ABAT: variants seen among roughly 807,000 people sequenced by gnomAD.
The protein encoded by ABAT is 4-aminobutyrate aminotransferase.
Under a neutral mutation model 64.6 loss-of-function variants are expected in ABAT, and 45 were observed. That is an observed-to-expected ratio of 0.70 (90% confidence interval 0.55 to 0.89). The LOEUF is 0.89. Among genes scored for constraint, ABAT ranks in the 40% least tolerant of loss-of-function variants. The pLI is 0.00. For missense variants in ABAT, 633 were observed against 658.4 expected (o/e 0.96, Z 0.42); for synonymous variants, 297 against 250.5 (o/e 1.19, Z -1.75).
intron 1 of ABAT, among the ~76,000 whole-genome samples, chr16:8,734,146 G>A (rs1046122332): frequency 1.3e-5 from 2 of 152,172 alleles, no homozygotes; most frequent in Admixed American, 6.5e-5. Context: ...TCTGTAAAAT[G>A]GGGATAATCA....
chr16:8,781,636 G>A lies in ABAT; in HGVS notation c.*206G>A, dbSNP rs2060442458. 5 of 665,386 alleles carry A rather than the reference G, an allele frequency of 7.5e-6. No individual in the cohort carries two copies. The highest frequency in any genetic ancestry group is 1.8e-5 in the African/African-American group (1 of 56,232). The allele number at this position is 665,386 out of a possible 1,614,324, so 41.2% of individuals were successfully genotyped here. ...TGATTTTCCTCCCTGCAGAGCCAAT[G>A]GTGCACATTGGTTTAAGCCCAGAGA... is the stretch of plus-strand genomic sequence containing the variant. On this transcript the variant is annotated 3_prime_UTR_variant, in exon 16 of 16. Transcript: ENST00000268251. The surrounding 1 kb of genome is among the most constrained non-coding windows in gnomAD (Gnocchi z 4.5).
chr16:8,775,169 C>T, intron 13 of ABAT, 112 bp downstream of exon 13: 4 of 1,432,912 alleles, frequency 2.8e-6, no homozygotes, highest in Non-Finnish European at 3.9e-6. Context: ...TACTGGGTCG[C>T]AGGTTTTCTA....
At chr16:8,719,356 C>G (rs1230557255) in intron 1 of ABAT, among the ~76,000 whole-genome samples, 2 of 152,202 alleles carry the variant, frequency 1.3e-5, no homozygotes, top group African/African-American at 4.8e-5. Flanking sequence ...TATCCTTTTG[C>G]AGATGTTTCT....
At chr16:8,737,900 C>T (rs55681386) in intron 2 of ABAT, among the ~76,000 whole-genome samples, 14,828 of 130,044 alleles carry the variant, frequency 0.11, 1,403 homozygotes, top group South Asian at 0.17. Flanking sequence ...TGTACTTCAG[C>T]CTGGGCAACA....
In ABAT at chr16:8,781,577, C is replaced by A; in HGVS notation, c.*147C>A. On this transcript the variant is annotated 3_prime_UTR_variant, in exon 16 of 16. Coordinates refer to ENST00000268251, the MANE Select transcript of ABAT (RefSeq NM_020686.6). This position sits in a 1 kb window ranked among gnomAD's most constrained non-coding sequence, Gnocchi z 4.5. Reference sequence around the variant, plus strand: ...GTGGGGAGGGAGCATTTTTGGTGGTCTTGGGGGAGGGGAGGGGAGGGAAGG... The same window carrying A: ...GTGGGGAGGGAGCATTTTTGGTGGTATTGGGGGAGGGGAGGGGAGGGAAGG... The A allele has an allele frequency of 6.3e-6, 3 of 475,090 alleles. No individual in the cohort carries two copies. Among genetic ancestry groups the A allele is most frequent in the Non-Finnish European group, 1.1e-5 (3 of 269,080 alleles). The allele number at this position is 475,090 out of a possible 1,614,324, so 29.4% of individuals were successfully genotyped here.
At chr16:8,727,809 C>T (rs1322147660) in intron 1 of ABAT, among the ~76,000 whole-genome samples, 1 of 152,206 alleles carries the variant, frequency 6.6e-6, no homozygotes, top group African/African-American at 2.4e-5. Context: ...TGGCTCATGC[C>T]TGTAATCCCA....
intron 1 of ABAT, chr16:8,713,839 G>A (rs550300464): frequency 1.7e-4 from 78 of 455,842 alleles, no homozygotes; most frequent in Middle Eastern, 3.2e-4. Flanking sequence ...AGCTGAGCTC[G>A]CCGCAGGACT....
At chr16:8,719,650 G>C (rs1273739230) in intron 1 of ABAT, among the ~76,000 whole-genome samples, 1 of 152,128 alleles carries the variant, frequency 6.6e-6, no homozygotes, top group Non-Finnish European at 1.5e-5. Flanking sequence ...ATAGTCTTTA[G>C]CAGCTCATCA....
Position 8,696,606 on chromosome 16 carries a change from C to A in ABAT, c.-42+21895C>A, listed in dbSNP as rs536473672. Among the ~76,000 whole-genome samples, 4 of 152,146 alleles carry A rather than the reference C, an allele frequency of 2.6e-5. No homozygotes were observed. The South Asian group carries it at 8.3e-4, about 32-fold the overall frequency. Reference sequence around the variant, plus strand: ...CTGTACTCCAGCCTGGGTGACACAGCGAGACTCTGTCTCAAAAAAAAATAA... The same window carrying A: ...CTGTACTCCAGCCTGGGTGACACAGAGAGACTCTGTCTCAAAAAAAAATAA... On this transcript the variant is annotated intron_variant, in intron 1 of 15. Transcript: ENST00000268251.
intron 1 of ABAT, among the ~76,000 whole-genome samples, chr16:8,725,200 G>C (rs1223670448): frequency 6.6e-6 from 1 of 152,232 alleles, no homozygotes; most frequent in African/African-American, 2.4e-5. Context: ...ATAGGCGTGA[G>C]CCAGCGCGCC....
At chr16:8,770,641 G>A (rs1451356669) in intron 11 of ABAT, among the ~76,000 whole-genome samples, 5 of 151,636 alleles carry the variant, frequency 3.3e-5, no homozygotes, top group African/African-American at 7.3e-5. Context: ...AGGTTTTGCC[G>A]TGTTGCCCAG....
chr16:8,703,583 A>G (rs1402656633), intron 1 of ABAT, among the ~76,000 whole-genome samples: 1 of 152,228 alleles, frequency 6.6e-6, no homozygotes, highest in Non-Finnish European at 1.5e-5. Flanking sequence ...GGGAAAGCAC[A>G]CACTTTGTGT....
At chr16:8,752,073 C>T (rs1274769076) in intron 5 of ABAT, among the ~76,000 whole-genome samples, 1 of 152,204 alleles carries the variant, frequency 6.6e-6, no homozygotes, top group African/African-American at 2.4e-5. Flanking sequence ...CCCTTTGGAC[C>T]CTGCTCAGAA....
intron 1 of ABAT, among the ~76,000 whole-genome samples, chr16:8,727,310 A>C (rs529214019): frequency 6.6e-6 from 1 of 152,060 alleles, no homozygotes; most frequent in South Asian, 2.1e-4. Flanking sequence ...CCGCACCTTC[A>C]CCTTCCCTCC....
chr16:8,739,163 G>C (rs141499913), intron 2 of ABAT, among the ~76,000 whole-genome samples: 4 of 152,174 alleles, frequency 2.6e-5, no homozygotes, highest in African/African-American at 9.7e-5. Flanking sequence ...AGAAAGACAT[G>C]TGGCTCTTGT....
intron 12 of ABAT, among the ~76,000 whole-genome samples, chr16:8,773,845 T>C (rs1300600948): frequency 1.3e-5 from 2 of 152,280 alleles, no homozygotes; most frequent in Admixed American, 1.3e-4. Flanking sequence ...CATAATGTCC[T>C]GTAGTTCCAT....
At chr16:8,757,290 C>A (rs569424353) in intron 5 of ABAT, 53 of 395,680 alleles carry the variant, frequency 1.3e-4, no homozygotes, top group South Asian at 9.3e-4. Flanking sequence ...GCCTCAGCCC[C>A]CCGAGTACCT....
intron 9 of ABAT, among the ~76,000 whole-genome samples, chr16:8,767,429 C>A (rs1046496134): frequency 1.3e-5 from 2 of 152,168 alleles, no homozygotes; most frequent in African/African-American, 4.8e-5. Flanking sequence ...GGCGTGCACC[C>A]ATCAGCACCT....
intron 5 of ABAT, among the ~76,000 whole-genome samples, chr16:8,756,450 G>A (rs1033722278): frequency 2.0e-5 from 3 of 151,830 alleles, no homozygotes; most frequent in African/African-American, 7.3e-5. Context: ...TGTAGAACCT[G>A]CCGGTTTGTT....
Sources: allele counts gnomAD v4.1 joint callset (sites outside exome capture counted in the v4.1 genomes callset), GRCh38; gene constraint gnomAD v4.1.1; non-coding constraint Gnocchi (gnomAD v3.1); transcripts MANE v1.5; gene names NCBI Gene and HGNC (gene_info 2026-07-23, HGNC 2026-07-21).